KCNH7: variants seen among roughly 807,000 people sequenced by gnomAD.
KCNH7 encodes the protein potassium voltage-gated channel subfamily H member 7, also known as voltage-gated inwardly rectifying potassium channel KCNH7.
KCNH7 carries 49 observed loss-of-function variants against 120.8 expected under a neutral mutation model. The observed-to-expected ratio is 0.41, with a 90% CI of 0.32 to 0.51. KCNH7 has a LOEUF of 0.51. KCNH7 is among the 20% of genes least tolerant of loss of function. KCNH7 has a pLI of 0.38. For missense variants in KCNH7, 1,097 were observed against 1,446.6 expected (o/e 0.76, Z 3.92); for synonymous variants, 547 against 516.1 (o/e 1.06, Z -0.81).
At chr2:162,787,186 T>G (rs548026753) in intron 2 of KCNH7, among the ~76,000 whole-genome samples, 2 of 152,086 alleles carry the variant, frequency 1.3e-5, no homozygotes, top group Admixed American at 1.3e-4. Context: ...GGCTGGCACA[T>G]GTGGATTTAG....
At chr2:162,404,295 T>C (rs1380770145) in intron 9 of KCNH7, among the ~76,000 whole-genome samples, 1 of 151,996 alleles carries the variant, frequency 6.6e-6, no homozygotes, top group African/African-American at 2.4e-5. Context: ...GGCAATCTAA[T>C]TTTAAAGACC....
intron 2 of KCNH7, among the ~76,000 whole-genome samples, chr2:162,722,107 T>C (rs1464822195): frequency 6.6e-6 from 1 of 152,020 alleles, no homozygotes; most frequent in Non-Finnish European, 1.5e-5. Flanking sequence ...TAAGGGAACA[T>C]AAGCACACGG....
intron 1 of KCNH7, among the ~76,000 whole-genome samples, chr2:162,837,091 A>T (rs768951769): frequency 6.6e-6 from 1 of 152,174 alleles, no homozygotes; most frequent in Non-Finnish European, 1.5e-5. Context: ...CTGCCCATTG[A>T]TATTTTCAGA....
intron 2 of KCNH7, among the ~76,000 whole-genome samples, chr2:162,778,946 C>CTT (rs200107249): frequency 0.026 from 3,596 of 136,394 alleles, 169 homozygotes; most frequent in African/African-American, 0.085. Flanking sequence ...GGAACAAATT[C>CTT]TTTTTTTTTT....
At position 162,475,336 on chromosome 2, in the gene KCNH7, A is replaced by G. The variant is rs79830416; in HGVS notation, c.1129-28893T>C. 3.7e-3 allele frequency among the ~76,000 whole-genome samples: 566 copies of G among 152,354 alleles called. 2 individuals carry two copies. Among genetic ancestry groups the G allele is most frequent in the South Asian group, 0.015 (73 of 4,830 alleles). On this transcript the variant is annotated intron_variant, in intron 6 of 15. Transcript: ENST00000332142. ...TCACAATAATAATCAGTTGTCTCAC[A>G]AAATATATTTTGGGTATTTCTAGAA... is the stretch of plus-strand genomic sequence containing the variant.
intron 2 of KCNH7, among the ~76,000 whole-genome samples, chr2:162,761,121 T>C (rs1345673680): frequency 6.6e-6 from 1 of 152,108 alleles, no homozygotes; most frequent in African/African-American, 2.4e-5. Flanking sequence ...ATGACACATA[T>C]TGAATTTTAA....
chr2:162,607,070 G>A (rs1309961666), intron 2 of KCNH7, among the ~76,000 whole-genome samples: 1 of 151,768 alleles, frequency 6.6e-6, no homozygotes, highest in Non-Finnish European at 1.5e-5. Flanking sequence ...TTTTAAAATG[G>A]AGAAAGATTA....
chr2:162,588,773 A>G (rs1323404769), intron 2 of KCNH7, among the ~76,000 whole-genome samples: 2 of 152,068 alleles, frequency 1.3e-5, no homozygotes, highest in East Asian at 3.9e-4. Context: ...ACTATATAAT[A>G]CATCATTGTT....
At position 162,729,055 on chromosome 2, in the gene KCNH7, T is replaced by A. The variant is rs79592273; in HGVS notation, c.307+107482A>T. The stretch of plus-strand genomic sequence containing the variant: ...TTACAGCGCCATTTGTTTAAAAGAC[T>A]GCCCTTCCCCTATTACATTACCTTG... On this transcript the variant is annotated intron_variant, in intron 2 of 15. Transcript: ENST00000332142. Among the ~76,000 whole-genome samples the A allele has an allele frequency of 7.8e-3, 1,193 of 152,186 alleles. 17 individuals carry two copies. The highest frequency in any genetic ancestry group is 0.027 in the African/African-American group (1,120 of 41,532).
chr2:162,609,619 A>G (rs186845912), intron 2 of KCNH7, among the ~76,000 whole-genome samples: 34 of 152,302 alleles, frequency 2.2e-4, no homozygotes, highest in African/African-American at 8.2e-4. Context: ...AAGATGAGTT[A>G]GTTAAGGGAG....
intron 6 of KCNH7, among the ~76,000 whole-genome samples, chr2:162,470,069 C>T (rs2105638171): frequency 6.6e-6 from 1 of 152,312 alleles, no homozygotes; most frequent in South Asian, 2.1e-4. Context: ...ACCTCCATCT[C>T]CCAGCCGCCT....
chr2:162,550,013 G>A (rs953392275), intron 2 of KCNH7, among the ~76,000 whole-genome samples: 2 of 152,270 alleles, frequency 1.3e-5, no homozygotes, highest in South Asian at 2.1e-4. Context: ...TCTCTGCGTG[G>A]AGTATATGGA....
chr2:162,651,803 A>T lies in KCNH7; in HGVS notation c.308-114723T>A, dbSNP rs78185925. The stretch of plus-strand genomic sequence containing the variant: ...TACTGCTTTCTACAATGGTTGAGTT[A>T]ATTTACACTCCCACCAACAGGGTAG... On this transcript the variant is annotated intron_variant, in intron 2 of 15. Transcript: ENST00000332142. Among the ~76,000 whole-genome samples the T allele has an allele frequency of 7.5e-3, 1,144 of 152,212 alleles. 16 individuals are homozygous for T. Among genetic ancestry groups the T allele is most frequent in the African/African-American group, 0.026 (1,094 of 41,546 alleles).
chr2:162,751,695 G>T (rs1029081857), intron 2 of KCNH7, among the ~76,000 whole-genome samples: 2 of 151,482 alleles, frequency 1.3e-5, no homozygotes, highest in South Asian at 4.2e-4. Context: ...CCCATTTTAA[G>T]CTTGATTAAA....
intron 9 of KCNH7, among the ~76,000 whole-genome samples, chr2:162,407,512 C>T (rs1220126614): frequency 1.3e-5 from 2 of 151,986 alleles, no homozygotes; most frequent in South Asian, 2.1e-4. Flanking sequence ...TGCTTTCATA[C>T]ACATGTCCTT....
At chr2:162,507,120 A>G (rs1435668400) in intron 5 of KCNH7, among the ~76,000 whole-genome samples, 1 of 151,772 alleles carries the variant, frequency 6.6e-6, no homozygotes, top group African/African-American at 2.4e-5. Context: ...TCAGAACTTT[A>G]TCAGAAATTG....
At chr2:162,668,056 T>C (rs1267222700) in intron 2 of KCNH7, among the ~76,000 whole-genome samples, 2 of 152,234 alleles carry the variant, frequency 1.3e-5, no homozygotes, top group African/African-American at 2.4e-5. Flanking sequence ...ACTCTGTGAT[T>C]AATGTTCATG....
chr2:162,649,022 A>G (rs1414235045), intron 2 of KCNH7, among the ~76,000 whole-genome samples: 1 of 152,224 alleles, frequency 6.6e-6, no homozygotes. Context: ...ATTCTTGACA[A>G]TGAACAATTA....
At chr2:162,585,700 A>C (rs1042522322) in intron 2 of KCNH7, among the ~76,000 whole-genome samples, 5 of 152,038 alleles carry the variant, frequency 3.3e-5, no homozygotes, top group African/African-American at 1.2e-4. Flanking sequence ...CTTGAATAAA[A>C]AATGAAATAA....
Sources: gnomAD v4.1 joint callset for allele counts (sites outside exome capture counted in the v4.1 genomes callset) on GRCh38, gnomAD v4.1.1 for gene constraint, MANE v1.5 for transcripts, NCBI Gene and HGNC (gene_info 2026-07-23, HGNC 2026-07-21) for gene names.